The following NBAS variants were observed in gnomAD, a reference collection of about 807,000 sequenced individuals.
NBAS encodes the protein NBAS subunit of NRZ tethering complex.
Under a neutral mutation model 302.5 loss-of-function variants are expected in NBAS, and 219 were observed. The observed-to-expected ratio is 0.72, with a 90% CI of 0.65 to 0.81. NBAS has a LOEUF of 0.81. Ranked by LOEUF, NBAS falls within the 30% of genes least tolerant of loss-of-function variation. NBAS has a pLI of 0.00. For synonymous variants in NBAS, 1,118 were observed against 1,021.6 expected, an observed-to-expected ratio of 1.09 and a Z score of -1.80; for missense variants, 2,932 against 2,841.6, an observed-to-expected ratio of 1.03 and a Z score of -0.72.
At chr2:15,069,514 C>A in the NBAS span, among the ~76,000 whole-genome samples, 1 of 151,646 alleles carries the variant, frequency 6.6e-6, no homozygotes, top group Non-Finnish European at 1.5e-5. Context: ...AAGTCAGGCT[C>A]ACCCTGAGAA....
At chr2:15,559,439 G>A (rs763490895) in intron 1 of NBAS, among the ~76,000 whole-genome samples, 1 of 152,306 alleles carries the variant, frequency 6.6e-6, no homozygotes, top group African/African-American at 2.4e-5. Context: ...TGAACACACC[G>A]TGGGTAGGTT....
At chr2:15,370,862 A>G (rs1674448342) in intron 31 of NBAS, among the ~76,000 whole-genome samples, 1 of 152,168 alleles carries the variant, frequency 6.6e-6, no homozygotes, top group Middle Eastern at 3.2e-3. Context: ...GTCACAGATG[A>G]GATTTTGGAC....
chr2:15,051,667 C>A, the NBAS span, among the ~76,000 whole-genome samples: 1 of 152,186 alleles, frequency 6.6e-6, no homozygotes, highest in Admixed American at 6.5e-5. Context: ...TGTACCATCA[C>A]CATAATTAGG....
chr2:15,077,883 CATATTGGTCAGGCTGG>C, the NBAS span, among the ~76,000 whole-genome samples: 7 of 151,952 alleles, frequency 4.6e-5, no homozygotes, highest in African/African-American at 1.7e-4. Context: ...GGGGTTTCAC[CATATTGGTCAGGCTGG>C]TCTCGAACTC....
the NBAS span, among the ~76,000 whole-genome samples, chr2:14,971,956 T>C: frequency 2.0e-5 from 3 of 152,204 alleles, no homozygotes; most frequent in South Asian, 6.2e-4. Context: ...CACCAGTACA[T>C]AAAATGATGC....
chr2:15,380,337 C>T (rs1674971173), intron 29 of NBAS, among the ~76,000 whole-genome samples: 1 of 152,154 alleles, frequency 6.6e-6, no homozygotes, highest in African/African-American at 2.4e-5. Flanking sequence ...ACCTTGGCTT[C>T]CCAAAGTGTT....
chr2:15,367,078 G>T (rs1022604630), intron 31 of NBAS, among the ~76,000 whole-genome samples: 1 of 151,944 alleles, frequency 6.6e-6, no homozygotes, highest in Non-Finnish European at 1.5e-5. Flanking sequence ...CACCCTCTAA[G>T]CCCCATTCCT....
At chr2:14,975,204 A>T in the NBAS span, among the ~76,000 whole-genome samples, 4 of 152,156 alleles carry the variant, frequency 2.6e-5, no homozygotes, top group Non-Finnish European at 1.5e-5. Flanking sequence ...GAGACCCTAA[A>T]CAGGGTAACT....
intron 6 of NBAS, among the ~76,000 whole-genome samples, 179 bp from the exon 7 acceptor site, chr2:15,539,535 A>G (rs936719677): frequency 3.3e-5 from 5 of 152,222 alleles, no homozygotes; most frequent in African/African-American, 1.2e-4. Flanking sequence ...TTCAAGTAAG[A>G]GTGGGAAATA....
chr2:14,821,173 G>T, the NBAS span, among the ~76,000 whole-genome samples: 1 of 152,156 alleles, frequency 6.6e-6, no homozygotes, highest in African/African-American at 2.4e-5. Flanking sequence ...TGATCCGCCC[G>T]CCTCGCCTCC....
At chr2:15,532,858 T>C (rs1350120875) in intron 9 of NBAS, among the ~76,000 whole-genome samples, 1 of 151,794 alleles carries the variant, frequency 6.6e-6, no homozygotes, top group Non-Finnish European at 1.5e-5. Context: ...AAAAGTCACA[T>C]CTTGGTAAAA....
intron 31 of NBAS, among the ~76,000 whole-genome samples, chr2:15,374,284 A>G (rs1040832910): frequency 6.6e-6 from 1 of 152,218 alleles, no homozygotes; most frequent in African/African-American, 2.4e-5. Context: ...CAAAACTGAT[A>G]TAAATCTGAT....
At position 15,539,287 on chromosome 2, in the gene NBAS, G is replaced by T; in HGVS notation, c.449C>A (p.Ala150Asp). Residue 150 changes from alanine to aspartate, a missense_variant, in exon 7 of 52, where the codon GCC becomes GAC. By Grantham distance (126) the Ala-to-Asp change is moderately radical. Coordinates refer to ENST00000281513, the MANE Select transcript of NBAS (RefSeq NM_015909.4). Reference protein sequence around the residue: ...WSYDCTLLAYAESTGTVRVFD... With the variant: ...WSYDCTLLAYDESTGTVRVFD... Reference sequence around the variant, plus strand: ...CACCCTCACAGTTCCTGTGCTTTCGGCATAGGCCAGTAGGGTACAATCGTA... The same window carrying T: ...CACCCTCACAGTTCCTGTGCTTTCGTCATAGGCCAGTAGGGTACAATCGTA... The T allele has an allele frequency of 6.2e-7, 1 of 1,614,174 alleles. No individual in the cohort carries two copies. Among genetic ancestry groups the T allele is most frequent in the Non-Finnish European group, 8.5e-7 (1 of 1,180,032 alleles).
At chr2:14,888,454 C>G in the NBAS span, among the ~76,000 whole-genome samples, 11 of 149,856 alleles carry the variant, frequency 7.3e-5, no homozygotes, top group Middle Eastern at 3.2e-3. Flanking sequence ...CCCGGCCCCC[C>G]CTTTTTTTTT....
intron 9 of NBAS, among the ~76,000 whole-genome samples, chr2:15,533,270 A>G (rs1347757100): frequency 1.3e-5 from 2 of 152,356 alleles, no homozygotes; most frequent in East Asian, 3.9e-4. Flanking sequence ...ACTCCTAGTT[A>G]CATATCCTAT....
At chr2:15,018,592 ACTCT>A in the NBAS span, among the ~76,000 whole-genome samples, 1 of 151,984 alleles carries the variant, frequency 6.6e-6, no homozygotes, top group Non-Finnish European at 1.5e-5. Context: ...TCAGAAAAAA[ACTCT>A]CTTTCTAAAA....
chr2:15,065,300 A>T, the NBAS span, among the ~76,000 whole-genome samples: 1 of 152,140 alleles, frequency 6.6e-6, no homozygotes, highest in Middle Eastern at 3.2e-3. Context: ...CATTATACTC[A>T]CTGATGAAAA....
chr2:14,853,005 G>C, the NBAS span, among the ~76,000 whole-genome samples: 1 of 150,112 alleles, frequency 6.7e-6, no homozygotes, highest in African/African-American at 2.5e-5. Context: ...TCAGGACATA[G>C]GCATGGGAAG....
At chr2:15,129,662 A>G in the NBAS span, among the ~76,000 whole-genome samples, 1 of 152,056 alleles carries the variant, frequency 6.6e-6, no homozygotes, top group South Asian at 2.1e-4. Flanking sequence ...TTCCTGCCCA[A>G]ACTCTTTTTT....
Sources: gnomAD v4.1 joint callset for allele counts (sites outside exome capture counted in the v4.1 genomes callset) on GRCh38, gnomAD v4.1.1 for gene constraint, MANE v1.5 for transcripts, NCBI Gene and HGNC (gene_info 2026-07-23, HGNC 2026-07-21) for gene names.